The following TCF12 variants were observed in gnomAD, a reference collection of about 807,000 sequenced individuals.
TCF12 encodes the protein DNA-binding protein HTF4.
Under a neutral mutation model 86.0 loss-of-function variants are expected in TCF12, and 45 were observed. The ratio of observed to expected loss-of-function variants is 0.52; its 90% CI spans 0.41 to 0.67. The LOEUF is 0.67. Ranked by LOEUF, TCF12 falls within the 30% of genes least tolerant of loss-of-function variation. The probability of loss-of-function intolerance (pLI) is 0.00; values close to 1 mark genes in which losing one functional copy is unlikely to be tolerated. For missense variants in TCF12, 881 were observed against 859.9 expected (o/e 1.02, Z -0.31); for synonymous variants, 330 against 299.6 (o/e 1.10, Z -1.05).
At chr15:57,002,363 C>T (rs1003987430) in intron 3 of TCF12, among the ~76,000 whole-genome samples, 1 of 152,204 alleles carries the variant, frequency 6.6e-6, no homozygotes, top group African/African-American at 2.4e-5. Context: ...CTCCGTGTTT[C>T]CTCCCTAGGC....
chr15:56,958,788 A>C (rs1462865696), intron 3 of TCF12, among the ~76,000 whole-genome samples: 1 of 152,060 alleles, frequency 6.6e-6, no homozygotes, highest in Admixed American at 6.6e-5. Context: ...TGGGATGCAG[A>C]GACAGGAGGA....
Position 57,170,653 on chromosome 15 carries a change from TATATAAAATATATATATATATA to T in TCF12, c.390+4193_390+4214del, listed in dbSNP as rs1567557407. On this transcript the variant is annotated intron_variant, in intron 6 of 20. Coordinates refer to ENST00000333725, the MANE Select transcript of TCF12 (RefSeq NM_207037.2). The stretch of plus-strand genomic sequence containing the variant: ...TTATATATATATATAATATATATAT[TATATAAAATATATATATATATA>T]ATATATTATATATAATATATATTAT... Among the ~76,000 whole-genome samples the T allele has an allele frequency of 5.8e-5, 3 of 51,552 alleles. No individual in the cohort carries two copies. The Admixed American group carries it at 8.9e-4, about 15-fold the overall frequency. 33.8% of individuals were successfully genotyped at this position (51,552 alleles called of 152,430 possible). A position where few individuals can be genotyped will look rare whatever the true frequency, so the allele number is the denominator to read the frequency against.
chr15:57,233,075 GTT>G (rs35931406), intron 11 of TCF12, among the ~76,000 whole-genome samples: 1 of 139,534 alleles, frequency 7.2e-6, no homozygotes, highest in African/African-American at 2.5e-5. Flanking sequence ...GTATATGTGT[GTT>G]TTTTATATAT....
At chr15:57,154,167 A>G (rs1376895923) in intron 5 of TCF12, among the ~76,000 whole-genome samples, 1 of 152,206 alleles carries the variant, frequency 6.6e-6, no homozygotes, top group Non-Finnish European at 1.5e-5. Flanking sequence ...AGAGGAAGCA[A>G]GCATTTGGCT....
intron 11 of TCF12, among the ~76,000 whole-genome samples, chr15:57,233,528 A>ACTCTCTCAG (rs1405416689): frequency 5.3e-5 from 8 of 150,888 alleles, no homozygotes; most frequent in Non-Finnish European, 1.2e-4. Flanking sequence ...ACAGGGTCTC[A>ACTCTCTCAG]CTCTCTCAGC....
chr15:56,928,781 C>G (rs2060124430), intron 3 of TCF12, among the ~76,000 whole-genome samples: 1 of 152,222 alleles, frequency 6.6e-6, no homozygotes, highest in Non-Finnish European at 1.5e-5. Context: ...TATTCTTTCT[C>G]CAGCTACTTG....
intron 8 of TCF12, among the ~76,000 whole-genome samples, chr15:57,209,085 A>T (rs1212646850): frequency 1.3e-5 from 2 of 152,148 alleles, no homozygotes; most frequent in Admixed American, 1.3e-4. Flanking sequence ...ATGCTTTTTG[A>T]ATTAAAGGGA....
chr15:57,230,954 T>A (rs1352781896), intron 8 of TCF12, among the ~76,000 whole-genome samples, 198 bp from the exon 9 acceptor site: 1 of 147,402 alleles, frequency 6.8e-6, no homozygotes. Context: ...ATAACCAGCT[T>A]AAAAAAAAAA....
chr15:57,105,784 T>C (rs1310938357), intron 5 of TCF12, among the ~76,000 whole-genome samples: 1 of 152,208 alleles, frequency 6.6e-6, no homozygotes, highest in Non-Finnish European at 1.5e-5. Context: ...TAGAGTCTTA[T>C]TTTTCTCACT....
At position 57,223,653 on chromosome 15, in the gene TCF12, T is replaced by TTTTTTGTTTTTTTTTTG. The variant is rs1555400234; in HGVS notation, c.580-7494_580-7493insGTTTTTTTTTTGTTTTT. ...CTGCCTACCAATGAGGTTTTTTTTT[T>TTTTTTGTTTTTTTTTTG]TTTTTTTTTTTTTTTTTTAGAAATA... On this transcript the variant is annotated intron_variant, in intron 8 of 20. Transcript: ENST00000333725. 1.8e-3 allele frequency among the ~76,000 whole-genome samples: 243 copies of TTTTTTGTTTTTTTTTTG among 135,366 alleles called. 2 individuals carry two copies. The highest frequency in any genetic ancestry group is 6.4e-3 in the African/African-American group (231 of 36,240). The allele number at this position is 135,366 out of a possible 152,430, so 88.8% of individuals were successfully genotyped here.
At chr15:56,925,240 G>GCCCCCC (rs11465192) in intron 3 of TCF12, among the ~76,000 whole-genome samples, 1 of 136,260 alleles carries the variant, frequency 7.3e-6, no homozygotes, top group African/African-American at 2.7e-5. Context: ...GGTGTCCACC[G>GCCCCCC]CCCCCCCACC....
intron 8 of TCF12, among the ~76,000 whole-genome samples, chr15:57,202,785 C>T (rs1025174622): frequency 9.2e-5 from 14 of 152,134 alleles, no homozygotes; most frequent in African/African-American, 2.4e-4. Flanking sequence ...GTTGAGTTCT[C>T]GGAACCTCCA....
At chr15:57,253,895 G>A (rs897128050) in intron 16 of TCF12, among the ~76,000 whole-genome samples, 9 of 152,104 alleles carry the variant, frequency 5.9e-5, no homozygotes, top group Admixed American at 2.6e-4. Context: ...CCCGAACTGC[G>A]GGGGAGGTAG....
intron 8 of TCF12, among the ~76,000 whole-genome samples, chr15:57,230,123 T>C (rs775583590): frequency 2.0e-4 from 30 of 151,982 alleles, no homozygotes; most frequent in South Asian, 4.1e-4. Flanking sequence ...CTAGAAATTT[T>C]CTATGCTTAT....
At chr15:56,968,575 A>G (rs78963554) in intron 3 of TCF12, among the ~76,000 whole-genome samples, 407 of 152,298 alleles carry the variant, frequency 2.7e-3, no homozygotes, top group Non-Finnish European at 4.6e-3. Flanking sequence ...TTTTCAGTCA[A>G]TTTGAGAAAC....
intron 8 of TCF12, among the ~76,000 whole-genome samples, chr15:57,209,682 A>G (rs929694942): frequency 6.6e-6 from 1 of 152,230 alleles, no homozygotes; most frequent in Non-Finnish European, 1.5e-5. Context: ...TTTTAGACAC[A>G]GGAACATCCT....
intron 18 of TCF12, among the ~76,000 whole-genome samples, chr15:57,265,508 T>G (rs944382333): frequency 3.3e-5 from 5 of 152,114 alleles, no homozygotes; most frequent in Admixed American, 6.5e-5. Flanking sequence ...CTGGAATAAT[T>G]GGGTAAATAA....
chr15:57,050,023 C>G (rs2067504173), intron 3 of TCF12, among the ~76,000 whole-genome samples: 1 of 152,152 alleles, frequency 6.6e-6, no homozygotes, highest in South Asian at 2.1e-4. Flanking sequence ...CTAGGAATTA[C>G]AGTATACAGT....
chr15:57,171,091 T>A (rs925766113), intron 6 of TCF12, among the ~76,000 whole-genome samples: 1 of 151,812 alleles, frequency 6.6e-6, no homozygotes, highest in Non-Finnish European at 1.5e-5. Context: ...GATTACTGTT[T>A]AGCAAACAGT....
Sources: gnomAD v4.1 joint callset for allele counts (sites outside exome capture counted in the v4.1 genomes callset) on GRCh38, gnomAD v4.1.1 for gene constraint, MANE v1.5 for transcripts, NCBI Gene and HGNC (gene_info 2026-07-23, HGNC 2026-07-21) for gene names.